The following EXOC4 variants were observed in gnomAD, a reference collection of about 807,000 sequenced individuals.
EXOC4 encodes exocyst complex component 4, also known as SEC8-like 1.
A neutral mutation model predicts 107.2 loss-of-function variants in EXOC4; 71 were observed. The ratio of observed to expected loss-of-function variants is 0.66; its 90% CI spans 0.55 to 0.81. The LOEUF (loss-of-function observed/expected upper bound fraction) is 0.81. Ranked by LOEUF, EXOC4 falls within the 30% of genes least tolerant of loss-of-function variation. EXOC4 has a pLI of 0.00. For synonymous variants in EXOC4, 456 were observed against 441.2 expected (o/e 1.03, Z -0.42); for missense variants, 1,108 against 1,189.6 (o/e 0.93, Z 1.01).
At chr7:133,592,234 TA>T in intron 9 of EXOC4, among the ~76,000 whole-genome samples, 1 of 152,144 alleles carries the variant, frequency 6.6e-6, no homozygotes, top group East Asian at 1.9e-4. Flanking sequence ...GTGAATTTTT[TA>T]AAAAAATTTC....
intron 9 of EXOC4, among the ~76,000 whole-genome samples, chr7:133,503,428 A>G (rs1429056763): frequency 1.3e-5 from 2 of 152,176 alleles, no homozygotes; most frequent in African/African-American, 4.8e-5. Flanking sequence ...GATCTAGCCT[A>G]TCATTCTTGC....
chr7:133,636,274 A>T (rs958686948), intron 10 of EXOC4, among the ~76,000 whole-genome samples: 3 of 152,224 alleles, frequency 2.0e-5, no homozygotes, highest in African/African-American at 7.2e-5. Context: ...CTTAACCAGA[A>T]AGAGAAAACA....
At chr7:133,725,634 C>G (rs1562972126) in intron 10 of EXOC4, among the ~76,000 whole-genome samples, 1 of 152,174 alleles carries the variant, frequency 6.6e-6, no homozygotes, top group Non-Finnish European at 1.5e-5. Context: ...CCTCAGCCGT[C>G]CAAAGTGCTG....
At chr7:133,880,096 A>G (rs139735537) in intron 11 of EXOC4, among the ~76,000 whole-genome samples, 3 of 152,180 alleles carry the variant, frequency 2.0e-5, no homozygotes, top group African/African-American at 7.2e-5. Context: ...CTCTCTAAGT[A>G]TCCAAACCTC....
chr7:133,603,847 T>G (rs2150989251), intron 9 of EXOC4, among the ~76,000 whole-genome samples: 1 of 152,310 alleles, frequency 6.6e-6, no homozygotes, highest in Non-Finnish European at 1.5e-5. Context: ...AATAATTTAT[T>G]AATAAACAGC....
intron 4 of EXOC4, among the ~76,000 whole-genome samples, chr7:133,310,965 G>T (rs907887939): frequency 6.6e-6 from 1 of 152,168 alleles, no homozygotes; most frequent in Non-Finnish European, 1.5e-5. Flanking sequence ...GAAATCACAT[G>T]AAGGCACTTA....
intron 10 of EXOC4, among the ~76,000 whole-genome samples, chr7:133,724,379 A>T (rs900292076): frequency 1.3e-5 from 2 of 152,154 alleles, no homozygotes; most frequent in Non-Finnish European, 1.5e-5. Context: ...TACTTCATAT[A>T]CCTTAATTCT....
chr7:133,805,766 A>G (rs1797061028), intron 10 of EXOC4, among the ~76,000 whole-genome samples: 1 of 152,232 alleles, frequency 6.6e-6, no homozygotes, highest in South Asian at 2.1e-4. Context: ...ATGAAACTGC[A>G]AGGAGTTCTA....
At chr7:133,278,159 T>G (rs912094975) in intron 2 of EXOC4, among the ~76,000 whole-genome samples, 2 of 152,312 alleles carry the variant, frequency 1.3e-5, no homozygotes, top group Non-Finnish European at 2.9e-5. Flanking sequence ...TCAGGGAGCT[T>G]ATGTGCAAAT....
intron 9 of EXOC4, 29 bp downstream of exon 9, chr7:133,480,167 T>A (rs934158897): frequency 1.7e-5 from 28 of 1,609,620 alleles, no homozygotes; most frequent in Non-Finnish European, 2.3e-5. Flanking sequence ...CTGGAAAAAT[T>A]AATTTTCTGG....
intron 17 of EXOC4, among the ~76,000 whole-genome samples, chr7:134,059,165 A>G (rs558951433): frequency 6.6e-6 from 1 of 152,194 alleles, no homozygotes; most frequent in Non-Finnish European, 1.5e-5. Context: ...TGGAACGCCT[A>G]CAAGTACAGG....
At chr7:133,340,463 T>C (rs1041544360) in intron 5 of EXOC4, among the ~76,000 whole-genome samples, 7 of 151,300 alleles carry the variant, frequency 4.6e-5, no homozygotes, top group South Asian at 2.1e-4. Flanking sequence ...TCTGTGTTCA[T>C]TGGGGATATT....
Position 133,566,514 on chromosome 7 carries a change from T to G in EXOC4, c.1418-63531T>G, listed in dbSNP as rs182050563. Among the ~76,000 whole-genome samples, 544 of 152,304 alleles carry G rather than the reference T, an allele frequency of 3.6e-3. 4 individuals are homozygous for G. Among genetic ancestry groups the G allele is most frequent in the Non-Finnish European group, 6.5e-3 (442 of 68,014 alleles). ...CAAATCCTCAATTTAGTGGGTAAAT[T>G]GTTAAGACATTGTTAACAAATCCTC... On this transcript the variant is annotated intron_variant, in intron 9 of 17. Coordinates refer to ENST00000253861, the MANE Select transcript of EXOC4 (RefSeq NM_021807.4).
At chr7:133,389,595 A>AATG (rs35982893) in intron 7 of EXOC4, among the ~76,000 whole-genome samples, 7,548 of 95,370 alleles carry the variant, frequency 0.079, 1,441 homozygotes, top group Non-Finnish European at 0.089. Flanking sequence ...AAAAAAAAAA[A>AATG]GAGAGTCTTA....
At chr7:133,615,280 C>T (rs1802168817) in intron 9 of EXOC4, among the ~76,000 whole-genome samples, 1 of 152,138 alleles carries the variant, frequency 6.6e-6, no homozygotes, top group African/African-American at 2.4e-5. Flanking sequence ...TCCTCCTCCC[C>T]CCTCATCTAC....
At chr7:133,832,827 T>G (rs986527041) in intron 11 of EXOC4, among the ~76,000 whole-genome samples, 1 of 152,154 alleles carries the variant, frequency 6.6e-6, no homozygotes, top group African/African-American at 2.4e-5. Flanking sequence ...GTATTGAAAT[T>G]GTAGGGGTCA....
At chr7:133,706,713 C>A (rs183192378) in intron 10 of EXOC4, among the ~76,000 whole-genome samples, 8 of 152,228 alleles carry the variant, frequency 5.3e-5, no homozygotes, top group Admixed American at 3.3e-4. Context: ...GTGTTTTATA[C>A]TTAGAGCACA....
chr7:133,383,483 T>C (rs754922843), intron 7 of EXOC4, among the ~76,000 whole-genome samples: 8 of 152,192 alleles, frequency 5.3e-5, no homozygotes, highest in Non-Finnish European at 1.2e-4. Context: ...GGAGACAGAA[T>C]GTAAAATCGT....
At chr7:133,679,116 C>T (rs1427692874) in intron 10 of EXOC4, among the ~76,000 whole-genome samples, 1 of 152,180 alleles carries the variant, frequency 6.6e-6, no homozygotes, top group Non-Finnish European at 1.5e-5. Context: ...GTGTTTTCCT[C>T]AGTGCTCCCA....
Sources: allele counts gnomAD v4.1 joint callset (sites outside exome capture counted in the v4.1 genomes callset), GRCh38; gene constraint gnomAD v4.1.1; transcripts MANE v1.5; gene names NCBI Gene and HGNC (gene_info 2026-07-23, HGNC 2026-07-21).